The following PPFIBP1 variants were observed in gnomAD, a reference collection of about 807,000 sequenced individuals.
PPFIBP1 encodes liprin-beta-1.
In PPFIBP1, 112 loss-of-function variants were observed where a neutral mutation model predicts 137.8. That is an observed-to-expected ratio of 0.81 (90% CI 0.70 to 0.95). The LOEUF (loss-of-function observed/expected upper bound fraction) is 0.95, where lower values mean the gene tolerates loss of function less well. PPFIBP1 is among the 40% of genes least tolerant of loss of function. The pLI is 0.00. For synonymous variants in PPFIBP1, 378 were observed against 417.3 expected, an observed-to-expected ratio of 0.91 and a Z score of 1.15; for missense variants, 1,083 against 1,196.6, an observed-to-expected ratio of 0.91 and a Z score of 1.40.
At chr12:27,600,909 T>A (rs7304508) in intron 2 of PPFIBP1, among the ~76,000 whole-genome samples, 115,954 of 152,130 alleles carry the variant, frequency 0.76, 45,014 homozygotes, top group Middle Eastern at 0.91. Flanking sequence ...TATTGTGGAA[T>A]GGTCATAGCA....
At chr12:27,594,159 T>C (rs1052878268) in intron 2 of PPFIBP1, 7 of 385,238 alleles carry the variant, frequency 1.8e-5, no homozygotes, top group South Asian at 1.4e-4. Context: ...AAAAACATTA[T>C]CCATCCCCTT....
intron 2 of PPFIBP1, among the ~76,000 whole-genome samples, chr12:27,621,173 C>T (rs962246098): frequency 6.6e-6 from 1 of 152,248 alleles, no homozygotes; most frequent in Non-Finnish European, 1.5e-5. Context: ...TTTTAGGCTT[C>T]GTGAGTTACA....
At chr12:27,672,305 T>C (rs1324252303) in intron 14 of PPFIBP1, 122 bp from the exon 15 acceptor site, 1 of 752,228 alleles carries the variant, frequency 1.3e-6, no homozygotes, top group Non-Finnish European at 2.2e-6. Flanking sequence ...AATAGGACAT[T>C]TAAAAAAATA....
chr12:27,637,593 C>T (rs1203583901), intron 4 of PPFIBP1, among the ~76,000 whole-genome samples: 3 of 151,966 alleles, frequency 2.0e-5, no homozygotes, highest in African/African-American at 4.8e-5. Context: ...CTCACCTTGC[C>T]CCCAACCTTC....
chr12:27,611,439 C>T (rs888602548), intron 2 of PPFIBP1, among the ~76,000 whole-genome samples: 1 of 152,120 alleles, frequency 6.6e-6, no homozygotes, highest in African/African-American at 2.4e-5. Context: ...TCCAGTCATA[C>T]TGGAATTAGG....
intron 1 of PPFIBP1, chr12:27,549,523 A>G (rs548296876): frequency 6.6e-6 from 1 of 152,122 alleles, no homozygotes; most frequent in Admixed American, 6.6e-5. Context: ...GCAGAGAGAA[A>G]TAATTGTTGT....
intron 2 of PPFIBP1, among the ~76,000 whole-genome samples, chr12:27,579,202 G>A (rs1162855267): frequency 6.6e-6 from 1 of 152,224 alleles, no homozygotes; most frequent in African/African-American, 2.4e-5. Flanking sequence ...AATTTCCTCT[G>A]TGTCCATGAG....
chr12:27,673,696 C>A, intron 15 of PPFIBP1, 71 bp from the exon 16 acceptor site: 2 of 1,348,874 alleles, frequency 1.5e-6, no homozygotes, highest in Non-Finnish European at 2.1e-6. Context: ...TAGTTTCTTT[C>A]CAAGATGTTT....
chr12:27,530,343 T>G (rs1944278092), intron 1 of PPFIBP1, among the ~76,000 whole-genome samples: 1 of 152,138 alleles, frequency 6.6e-6, no homozygotes, highest in African/African-American at 2.4e-5. Flanking sequence ...ACACACTGGT[T>G]GAACCTGTGA....
chr12:27,556,662 G>A (rs1592438345), intron 1 of PPFIBP1, among the ~76,000 whole-genome samples: 2 of 152,140 alleles, frequency 1.3e-5, no homozygotes, highest in Admixed American at 6.5e-5. Context: ...TGTTTTAGAA[G>A]TTTTCCTGCT....
At chr12:27,588,066 A>G (rs544165443) in intron 2 of PPFIBP1, among the ~76,000 whole-genome samples, 25 of 152,326 alleles carry the variant, frequency 1.6e-4, no homozygotes, top group African/African-American at 5.8e-4. Context: ...AAAATATCGT[A>G]TAGTCTAGAT....
chr12:27,663,488 A>G (rs898128484), intron 11 of PPFIBP1, among the ~76,000 whole-genome samples: 2 of 152,142 alleles, frequency 1.3e-5, no homozygotes, highest in African/African-American at 4.8e-5. Flanking sequence ...GAGTGGATGG[A>G]TAAGTGAAAG....
At chr12:27,596,710 T>C (rs1020615517) in intron 2 of PPFIBP1, among the ~76,000 whole-genome samples, 5 of 151,968 alleles carry the variant, frequency 3.3e-5, no homozygotes, top group African/African-American at 9.7e-5. Context: ...ATTTAACACT[T>C]ATTATATGCC....
intron 1 of PPFIBP1, among the ~76,000 whole-genome samples, chr12:27,560,078 C>T (rs2049035381): frequency 6.6e-6 from 1 of 152,300 alleles, no homozygotes; most frequent in East Asian, 1.9e-4. Context: ...GACAACTTTA[C>T]TCAAATGTTT....
rs564352706 is a variant in PPFIBP1 at position 27,674,957 on chromosome 12, C to T, written c.1410+736C>T. The stretch of plus-strand genomic sequence containing the variant: ...CCTTTCAAGTAGCTGGGATTACAGG[C>T]GTGCACCACCATACTCGGCTGTTTT... On this transcript the variant is annotated intron_variant, in intron 17 of 29. Coordinates refer to ENST00000228425, the MANE Select transcript of PPFIBP1 (RefSeq NM_003622.4). Among the ~76,000 whole-genome samples the T allele has an allele frequency of 1.3e-4, 20 of 149,398 alleles. No individual in the cohort carries two copies. In the South Asian group the frequency reaches 1.5e-3, roughly 11 times the overall value.
At chr12:27,663,714 C>T (rs775097475) in intron 11 of PPFIBP1, among the ~76,000 whole-genome samples, 17 of 151,976 alleles carry the variant, frequency 1.1e-4, no homozygotes, top group South Asian at 4.1e-4. Flanking sequence ...GTGGTGCATG[C>T]GTGTACTCCC....
At chr12:27,676,336 G>C (rs2060509727) in intron 17 of PPFIBP1, 92 bp from the exon 18 acceptor site, 1 of 963,316 alleles carries the variant, frequency 1.0e-6, no homozygotes, top group Non-Finnish European at 1.4e-6. Flanking sequence ...TAAACTCATG[G>C]ATGTGGCGTG....
intron 2 of PPFIBP1, among the ~76,000 whole-genome samples, chr12:27,606,795 C>A (rs1400163481): frequency 6.6e-6 from 1 of 152,154 alleles, no homozygotes; most frequent in East Asian, 1.9e-4. Context: ...ATACATTTAA[C>A]AAGTGGGCCA....
chr12:27,528,972 C>T (rs1174707000), intron 1 of PPFIBP1, among the ~76,000 whole-genome samples: 2 of 152,196 alleles, frequency 1.3e-5, no homozygotes, highest in Non-Finnish European at 2.9e-5. Context: ...CTGGCCCACA[C>T]ACACATCCTT....
Sources: gnomAD v4.1 joint callset for allele counts (sites outside exome capture counted in the v4.1 genomes callset) on GRCh38, gnomAD v4.1.1 for gene constraint, MANE v1.5 for transcripts, NCBI Gene and HGNC (gene_info 2026-07-23, HGNC 2026-07-21) for gene names.